Variants in EEFSEC observed in about 807,000 individuals in gnomAD.
EEFSEC encodes selenocysteine-specific elongation factor.
In EEFSEC, 43 loss-of-function variants were observed where a neutral mutation model predicts 42.1. The ratio of observed to expected loss-of-function variants is 1.02; its 90% CI spans 0.80 to 1.32. The LOEUF is 1.32. Ranked by LOEUF, EEFSEC falls within the 40% of genes most tolerant of loss-of-function variation. EEFSEC has a pLI of 0.00. For synonymous variants in EEFSEC, 354 were observed against 339.1 expected, an observed-to-expected ratio of 1.04 and a Z score of -0.48; for missense variants, 745 against 803.6, an observed-to-expected ratio of 0.93 and a Z score of 0.88.
chr3:128,242,089 G>A (rs2066077373), intron 1 of EEFSEC, among the ~76,000 whole-genome samples: 1 of 152,204 alleles, frequency 6.6e-6, no homozygotes, highest in African/African-American at 2.4e-5. Context: ...AGCTGAGGTG[G>A]GAGGATCTAT....
At chr3:128,188,206 C>G (rs2065484105) in intron 1 of EEFSEC, among the ~76,000 whole-genome samples, 1 of 152,114 alleles carries the variant, frequency 6.6e-6, no homozygotes, top group South Asian at 2.1e-4. Context: ...AGGAAATAGA[C>G]TCTCCAGACT....
At chr3:128,256,742 T>G (rs2066245854) in intron 2 of EEFSEC, among the ~76,000 whole-genome samples, 1 of 152,244 alleles carries the variant, frequency 6.6e-6, no homozygotes, top group South Asian at 2.1e-4. Flanking sequence ...AGCTATATTC[T>G]GTATGTTCTT....
intron 1 of EEFSEC, among the ~76,000 whole-genome samples, chr3:128,203,120 A>G (rs2065659060): frequency 6.6e-6 from 1 of 152,204 alleles, no homozygotes; most frequent in Non-Finnish European, 1.5e-5. Flanking sequence ...TTGGTAGAAT[A>G]CAGATTGTAG....
intron 4 of EEFSEC, among the ~76,000 whole-genome samples, chr3:128,279,648 G>A (rs576509606): frequency 6.6e-6 from 1 of 152,320 alleles, no homozygotes; most frequent in South Asian, 2.1e-4. Flanking sequence ...GAGGGGAGAC[G>A]AGACCTACCC....
In EEFSEC at chr3:128,153,876, G is replaced by A. The variant is rs905909813; in HGVS notation, c.316+53G>A. 4.8e-6 allele frequency: 7 copies of A among 1,445,326 alleles called. No individual in the cohort carries two copies. The East Asian group carries it at 1.1e-4, about 23-fold the overall frequency. 89.5% of individuals were successfully genotyped at this position (1,445,326 alleles called of 1,614,324 possible). On this transcript the variant is annotated intron_variant, in intron 1 of 6. Coordinates refer to ENST00000254730, the MANE Select transcript of EEFSEC (RefSeq NM_021937.5). ...GCTCAGGGACGCGGGCGGAGCGACC[G>A]GGCCCCGTGTCCGAATTCGCTCGAG... is the stretch of plus-strand genomic sequence containing the variant.
At chr3:128,287,513 C>T (rs997492746) in intron 4 of EEFSEC, among the ~76,000 whole-genome samples, 2 of 152,144 alleles carry the variant, frequency 1.3e-5, no homozygotes, top group African/African-American at 4.8e-5. Flanking sequence ...TCTAAATATG[C>T]AAAGCAAGGC....
intron 1 of EEFSEC, among the ~76,000 whole-genome samples, chr3:128,171,390 A>G (rs1427509546): frequency 6.6e-6 from 1 of 152,136 alleles, no homozygotes; most frequent in Non-Finnish European, 1.5e-5. Flanking sequence ...GCAGGCTTGT[A>G]CCTACAATGG....
chr3:128,384,838 C>T (rs1485377632), intron 6 of EEFSEC, among the ~76,000 whole-genome samples: 1 of 152,224 alleles, frequency 6.6e-6, no homozygotes, highest in African/African-American at 2.4e-5. Flanking sequence ...ATCTATCCCC[C>T]TTCCACAGAG....
At chr3:128,328,456 A>G (rs1024467087) in intron 4 of EEFSEC, among the ~76,000 whole-genome samples, 5 of 152,238 alleles carry the variant, frequency 3.3e-5, no homozygotes, top group African/African-American at 1.2e-4. Flanking sequence ...GGTGCACCCC[A>G]GGACCAAGGA....
chr3:128,261,551 CT>C (rs386397883), intron 2 of EEFSEC, among the ~76,000 whole-genome samples: 271 of 106,896 alleles, frequency 2.5e-3, no homozygotes, highest in East Asian at 0.013. Flanking sequence ...CTCTTTCCCT[CT>C]TTTTTTTTTT....
chr3:128,378,692 C>T (rs1488664826), intron 6 of EEFSEC, among the ~76,000 whole-genome samples: 1 of 152,208 alleles, frequency 6.6e-6, no homozygotes, highest in African/African-American at 2.4e-5. Flanking sequence ...GCAGCCCTCT[C>T]TCCTGTGCCT....
intron 6 of EEFSEC, among the ~76,000 whole-genome samples, chr3:128,369,500 C>T (rs1289861980): frequency 1.3e-5 from 2 of 152,184 alleles, no homozygotes; most frequent in African/African-American, 4.8e-5. Flanking sequence ...GAAAGTAGCC[C>T]CTGCCAGGAC....
chr3:128,286,789 T>C (rs2066590750), intron 4 of EEFSEC, among the ~76,000 whole-genome samples: 1 of 152,210 alleles, frequency 6.6e-6, no homozygotes, highest in African/African-American at 2.4e-5. Flanking sequence ...CAGATAGAGC[T>C]AGGAAAGAAA....
chr3:128,403,878 C>G (rs547509491), intron 6 of EEFSEC, among the ~76,000 whole-genome samples: 64 of 152,228 alleles, frequency 4.2e-4, no homozygotes, highest in Non-Finnish European at 7.9e-4. Flanking sequence ...CTTCGCCACC[C>G]TTCTGCTGTC....
At chr3:128,173,765 A>G (rs1244728301) in intron 1 of EEFSEC, among the ~76,000 whole-genome samples, 1 of 152,234 alleles carries the variant, frequency 6.6e-6, no homozygotes, top group Non-Finnish European at 1.5e-5. Flanking sequence ...TTCAAAACAC[A>G]AACTTCTTCA....
chr3:128,396,703 G>A (rs1250441523), intron 6 of EEFSEC, among the ~76,000 whole-genome samples: 3 of 152,196 alleles, frequency 2.0e-5, no homozygotes, highest in Admixed American at 6.5e-5. Flanking sequence ...TGAGTGCTCT[G>A]TGCCTCAGTT....
At chr3:128,273,187 A>G (rs1395637270) in intron 4 of EEFSEC, among the ~76,000 whole-genome samples, 1 of 152,054 alleles carries the variant, frequency 6.6e-6, no homozygotes, top group Admixed American at 6.5e-5. Flanking sequence ...TGAGCTCTGC[A>G]TTTCCTGCCT....
rs549745329 is a variant in EEFSEC at position 128,353,435 on chromosome 3, C to T, written c.1444-4782C>T. Reference sequence around the variant, plus strand: ...CACTATAAGTGCTGCATCTTGAGGGCCAGGATCTGCCCTCTTTCCCTCCTC... The same window carrying T: ...CACTATAAGTGCTGCATCTTGAGGGTCAGGATCTGCCCTCTTTCCCTCCTC... On this transcript the variant is annotated intron_variant, in intron 5 of 6. Transcript: ENST00000254730. 5.9e-5 allele frequency among the ~76,000 whole-genome samples: 9 copies of T among 152,290 alleles called. No individual in the cohort carries two copies. In the South Asian group the frequency reaches 1.7e-3, roughly 28 times the overall value.
intron 4 of EEFSEC, among the ~76,000 whole-genome samples, chr3:128,287,968 C>A (rs1013502071): frequency 2.0e-5 from 3 of 151,120 alleles, no homozygotes; most frequent in Admixed American, 1.3e-4. Context: ...CCCCGCCCCC[C>A]CCAAAAAACT....
Sources: gnomAD v4.1 joint callset for allele counts (sites outside exome capture counted in the v4.1 genomes callset) on GRCh38, gnomAD v4.1.1 for gene constraint, MANE v1.5 for transcripts, NCBI Gene and HGNC (gene_info 2026-07-23, HGNC 2026-07-21) for gene names.